Variants in NOC3L observed in about 807,000 individuals in gnomAD.
The protein encoded by NOC3L is NOC3 like DNA replication regulator, also known as nucleolar complex protein 3 homolog.
Under a neutral mutation model 102.5 loss-of-function variants are expected in NOC3L, and 85 were observed. The observed-to-expected ratio is 0.83, with a 90% CI of 0.70 to 0.99. The LOEUF (loss-of-function observed/expected upper bound fraction) is 0.99. NOC3L is among the 50% of genes least tolerant of loss of function. NOC3L has a pLI of 0.00. For synonymous variants in NOC3L, 303 were observed against 309.4 expected, an observed-to-expected ratio of 0.98 and a Z score of 0.22; for missense variants, 878 against 914.9, an observed-to-expected ratio of 0.96 and a Z score of 0.52.
chr10:94,324,564 G>T, the NOC3L span: 1 of 1,611,812 alleles, frequency 6.2e-7, no homozygotes, highest in Non-Finnish European at 8.5e-7. Context: ...AGGAGCAGGT[G>T]CAGGTAAAGT....
At chr10:94,323,095 AAT>A in the NOC3L span, among the ~76,000 whole-genome samples, 1 of 152,182 alleles carries the variant, frequency 6.6e-6, no homozygotes, top group Non-Finnish European at 1.5e-5. Flanking sequence ...CTGCAGTGAC[AAT>A]GTCATGGTCC....
In NOC3L at chr10:94,357,299, T is replaced by C. The variant is rs1177845099; in HGVS notation, c.383A>G (p.Glu128Gly). ...EPVHAKKRKH[E>G]RIIDKYEKIP... Reference sequence around the variant, plus strand: ...TTTTTCATATTTATCTATAATGCGTTCATGCTTCCGTTTCTTCGCATGAAC... The same window carrying C: ...TTTTTCATATTTATCTATAATGCGTCCATGCTTCCGTTTCTTCGCATGAAC... The change falls in exon 4 of 21, where the codon GAA (glutamate) becomes GGA (glycine). Residue 128 changes from glutamate (E) to glycine (G), a missense_variant. Glu to Gly is a moderately conservative substitution (Grantham distance 98). Transcript: ENST00000371361. 6.2e-7 allele frequency: 1 copy of C among 1,603,326 alleles called. No individual in the cohort carries two copies. Among genetic ancestry groups the C allele is most frequent in the South Asian group, 1.1e-5 (1 of 88,504 alleles).
chr10:94,353,603 T>G (rs2054448671), intron 6 of NOC3L, among the ~76,000 whole-genome samples: 1 of 152,114 alleles, frequency 6.6e-6, no homozygotes, highest in African/African-American at 2.4e-5. Context: ...GAGGTCACAT[T>G]TCAACATAAG....
chr10:94,340,489 CT>C lies in NOC3L; in HGVS notation c.1651del (p.Ser551AlafsTer23). On this transcript the variant is annotated frameshift_variant, in exon 15 of 21. Coordinates refer to ENST00000371361, the MANE Select transcript of NOC3L (RefSeq NM_022451.11). LOFTEE classifies it high-confidence loss of function. Reference protein sequence around the residue: ...LHTLIESGDLSYQESLHCVQT... With the variant: ...LHTLIESGDLXYQESLHCVQT... ...GACACAGTGAAGACTTTCTTGATAG[CT>C]TAGGTCCTTTAAAAAAAAAAGGGGG... 8.0e-7 allele frequency: 1 copy of C among 1,255,192 alleles called. No homozygotes were observed. The highest frequency in any genetic ancestry group is 1.1e-6 in the Non-Finnish European group (1 of 889,798). 77.8% of individuals were successfully genotyped at this position (1,255,192 alleles called of 1,614,324 possible).
At chr10:94,315,769 C>CAAAA in the NOC3L span, among the ~76,000 whole-genome samples, 2 of 122,866 alleles carry the variant, frequency 1.6e-5, no homozygotes, top group Admixed American at 8.4e-5. Flanking sequence ...GACTCTGTCT[C>CAAAA]AAAAAAAAAA....
intron 10 of NOC3L, among the ~76,000 whole-genome samples, chr10:94,348,303 G>C (rs1358408879): frequency 6.6e-6 from 1 of 151,582 alleles, no homozygotes; most frequent in Non-Finnish European, 1.5e-5. Flanking sequence ...GGATTGAGGA[G>C]ACTATGTGCA....
chr10:94,344,498 A>C lies in NOC3L; in HGVS notation c.1488T>G (p.Asn496Lys), dbSNP rs375922420. ...KKLKLHTETL[N>K]IVFVTYFRIL... ...TTCTGAAGTAGGTTACAAACACAAT[A>C]TTCAGAGTCTCTGTGTGCTGGCAGA... Residue 496 changes from asparagine to lysine, a missense_variant, in exon 13 of 21, where the codon AAT (asparagine) becomes AAG (lysine). By Grantham distance (94) the Asn-to-Lys change is moderately conservative (BLOSUM62 0). Transcript: ENST00000371361. The C allele has an allele frequency of 1.2e-6, 2 of 1,612,910 alleles. No homozygotes were observed. Among genetic ancestry groups the C allele is most frequent in the Non-Finnish European group, 1.7e-6 (2 of 1,178,956 alleles).
Position 94,358,132 on chromosome 10 carries a change from T to C in NOC3L, c.301A>G (p.Lys101Glu), listed in dbSNP as rs890686974. ...MMDEDDLQLM[K>E]DLGQRVSFLT... ...AAAGATACTCTTTGTCCTAAATCCTTCATTAACTGTAAGTCATCTTCATCC... is the reference window on the plus strand; with the variant it reads ...AAAGATACTCTTTGTCCTAAATCCTCCATTAACTGTAAGTCATCTTCATCC... Residue 101 changes from lysine to glutamate, a missense_variant, in exon 3 of 21, where the codon AAG becomes GAG. Transcript: ENST00000371361. The C allele has an allele frequency of 3.1e-5, 50 of 1,611,468 alleles. No individual in the cohort carries two copies. Among genetic ancestry groups the C allele is most frequent in the Non-Finnish European group, 4.2e-5 (50 of 1,178,118 alleles).
the NOC3L span, chr10:94,324,613 C>T: frequency 7.0e-6 from 10 of 1,425,102 alleles, no homozygotes; most frequent in Non-Finnish European, 9.9e-6. Flanking sequence ...TATCTGATAC[C>T]CATAATTACA....
rs766720742 is a variant in NOC3L, at chr10:94,361,823, C to T, written c.59G>A (p.Ser20Asn). The T allele has an allele frequency of 3.2e-5, 51 of 1,613,558 alleles. No individual in the cohort carries two copies. The highest frequency in any genetic ancestry group is 1.0e-4 in the Admixed American group (6 of 59,980). Residue 20 changes from serine to asparagine, a missense_variant, in exon 2 of 21, where the codon AGT becomes AAT. Physicochemically the swap from Ser to Asn is conservative, Grantham distance 46. Transcript: ENST00000371361. Reference sequence around the variant, plus strand: ...TAGCTTGTTTTCAAGTTTGACTTTACTAGTTTTTATTAACTTGCGAAAGCT... The same window carrying T: ...TAGCTTGTTTTCAAGTTTGACTTTATTAGTTTTTATTAACTTGCGAAAGCT... Reference protein sequence around the residue: ...IPSFRKLIKTSKVKLENKLKN... With the variant: ...IPSFRKLIKTNKVKLENKLKN...
At chr10:94,359,355 G>GGCAGAGATTGCAATGAGCAGA (rs918797851) in intron 2 of NOC3L, among the ~76,000 whole-genome samples, 2 of 151,962 alleles carry the variant, frequency 1.3e-5, no homozygotes, top group Non-Finnish European at 2.9e-5. Context: ...GAATCCCGTA[G>GGCAGAGATTGCAATGAGCAGA]GCAGAGATTG....
At chr10:94,327,632 CAG>C in the NOC3L span, among the ~76,000 whole-genome samples, 1 of 152,094 alleles carries the variant, frequency 6.6e-6, no homozygotes, top group Non-Finnish European at 1.5e-5. Flanking sequence ...CAATAATCTA[CAG>C]ATTTTTAAAG....
chr10:94,320,340 A>G, the NOC3L span, among the ~76,000 whole-genome samples: 2 of 151,748 alleles, frequency 1.3e-5, no homozygotes, highest in East Asian at 1.9e-4. Flanking sequence ...AAGTTAAAAT[A>G]GATTATATAT....
chr10:94,351,068 A>G (rs1029500251), intron 8 of NOC3L, among the ~76,000 whole-genome samples: 6 of 152,112 alleles, frequency 3.9e-5, no homozygotes, highest in Non-Finnish European at 8.8e-5. Context: ...GGCTCATGTT[A>G]TAGTTCTATC....
chr10:94,361,768 A>G lies in NOC3L; in HGVS notation c.114T>C (p.Thr38=), dbSNP rs372919749. ...LKNKQFKQQS[T]LKKYRKEQRK... ...TCTGTTCTTTTCGGTACTTCTTGAG[A>G]GTGCTTTGTTGTTTAAACTGCTTAT... The change falls in exon 2 of 21, where the codon ACT becomes ACC. Residue 38 remains threonine, a synonymous_variant. Transcript: ENST00000371361. The G allele has an allele frequency of 9.3e-6, 15 of 1,613,762 alleles. No individual in the cohort carries two copies. The highest frequency in any genetic ancestry group is 5.0e-5 in the Admixed American group (3 of 59,988).
the NOC3L span, chr10:94,325,328 G>A: frequency 2.2e-6 from 1 of 450,662 alleles, no homozygotes; most frequent in Non-Finnish European, 4.1e-6. Context: ...GCTGGGCGTG[G>A]TGGCGCATGC....
At chr10:94,351,089 G>A (rs2054410898) in intron 8 of NOC3L, among the ~76,000 whole-genome samples, 1 of 151,866 alleles carries the variant, frequency 6.6e-6, no homozygotes, top group African/African-American at 2.4e-5. Flanking sequence ...AGACAGAGAT[G>A]GTTGCACAAA....
chr10:94,346,570 A>G lies in NOC3L; in HGVS notation c.1258-14T>C, dbSNP rs765582697. ...TGTTTTTAACATCTAATATTGGAAA[A>G]AAAACACAAATATACAGCTTAATAT... On this transcript the variant is annotated splice_polypyrimidine_tract_variant and intron_variant, in intron 10 of 20. Coordinates refer to ENST00000371361, the MANE Select transcript of NOC3L (RefSeq NM_022451.11). 1.5e-6 allele frequency: 2 copies of G among 1,309,648 alleles called. No homozygotes were observed. Among genetic ancestry groups the G allele is most frequent in the Non-Finnish European group, 2.1e-6 (2 of 973,920 alleles). 81.1% of individuals were successfully genotyped at this position (1,309,648 alleles called of 1,614,324 possible).
chr10:94,346,566 G>GA lies in NOC3L; in HGVS notation c.1258-11dup, dbSNP rs745503938. The GA allele has an allele frequency of 9.7e-5, 126 of 1,300,558 alleles. No individual in the cohort carries two copies. The highest frequency in any genetic ancestry group is 1.7e-4 in the East Asian group (6 of 34,602). 80.6% of individuals were successfully genotyped at this position (1,300,558 alleles called of 1,614,324 possible). A position where few individuals can be genotyped will look rare whatever the true frequency, so the allele number is the denominator to read the frequency against. On this transcript the variant is annotated splice_polypyrimidine_tract_variant and intron_variant, in intron 10 of 20. Coordinates refer to ENST00000371361, the MANE Select transcript of NOC3L (RefSeq NM_022451.11). ...AAAATGTTTTTAACATCTAATATTG[G>GA]AAAAAAAACACAAATATACAGCTTA...
Sources: gnomAD v4.1 joint callset for allele counts (sites outside exome capture counted in the v4.1 genomes callset) on GRCh38, gnomAD v4.1.1 for gene constraint, MANE v1.5 for transcripts, NCBI Gene and HGNC (gene_info 2026-07-23, HGNC 2026-07-21) for gene names.